The following MAPKAPK2 variants were observed in gnomAD, a reference collection of about 807,000 sequenced individuals.
The protein encoded by MAPKAPK2 is MAPK activated protein kinase 2, also known as MAP kinase-activated protein kinase 2.
MAPKAPK2 carries 9 observed loss-of-function variants against 48.8 expected under a neutral mutation model. The ratio of observed to expected loss-of-function variants is 0.18; its 90% CI spans 0.11 to 0.32. The LOEUF (loss-of-function observed/expected upper bound fraction) is 0.32, where lower values mean the gene tolerates loss of function less well. Among genes scored for constraint, MAPKAPK2 ranks in the 10% least tolerant of loss-of-function variants. The pLI is 1.00. For synonymous variants in MAPKAPK2, 202 were observed against 190.6 expected (o/e 1.06, Z -0.49); for missense variants, 331 against 498.3 (o/e 0.66, Z 3.20).
intron 1 of MAPKAPK2, among the ~76,000 whole-genome samples, chr1:206,693,856 C>T (rs150746326): frequency 1.3e-5 from 2 of 152,310 alleles, no homozygotes; most frequent in African/African-American, 4.8e-5. Context: ...AATAACTGGG[C>T]CCTGGCTCTC....
chr1:206,729,899 A>G (rs1673844817), intron 4 of MAPKAPK2, 73 bp from the exon 5 acceptor site: 3 of 1,587,462 alleles, frequency 1.9e-6, no homozygotes, highest in African/African-American at 1.3e-5. Context: ...GGGAGGAACC[A>G]GGATCCTTTT....
chr1:206,709,976 T>C (rs951534863), intron 1 of MAPKAPK2, among the ~76,000 whole-genome samples: 3 of 152,118 alleles, frequency 2.0e-5, no homozygotes, highest in African/African-American at 7.2e-5. Flanking sequence ...TCCCAAGGTG[T>C]AGAGCTTAGT....
intron 1 of MAPKAPK2, among the ~76,000 whole-genome samples, chr1:206,711,314 A>G (rs1264399627): frequency 6.6e-6 from 1 of 152,190 alleles, no homozygotes; most frequent in Non-Finnish European, 1.5e-5. Context: ...CAGTGGCGCT[A>G]TCTCAGCCCA....
chr1:206,687,309 T>G (rs1218573224), intron 1 of MAPKAPK2, among the ~76,000 whole-genome samples: 1 of 152,240 alleles, frequency 6.6e-6, no homozygotes, highest in Non-Finnish European at 1.5e-5. Context: ...AGATTTCTCT[T>G]GTAACTAACG....
At chr1:206,718,677 C>T (rs1171797629) in intron 1 of MAPKAPK2, among the ~76,000 whole-genome samples, 3 of 152,104 alleles carry the variant, frequency 2.0e-5, no homozygotes, top group South Asian at 2.1e-4. Context: ...TCTACGACAC[C>T]GCACGTTTTC....
chr1:206,728,975 G>A (rs574108313), intron 2 of MAPKAPK2, 60 bp from the exon 3 acceptor site: 21 of 1,609,874 alleles, frequency 1.3e-5, no homozygotes, highest in Non-Finnish European at 1.6e-5. Context: ...TTTTTGGGGG[G>A]CAGTGGAGAG....
chr1:206,729,187 A>T, intron 3 of MAPKAPK2, 88 bp downstream of exon 3: 1 of 1,395,342 alleles, frequency 7.2e-7, no homozygotes, highest in Non-Finnish European at 1.0e-6. Context: ...CTCTTGGGGA[A>T]GGGTGCTGAG....
rs1280178558 is a variant in MAPKAPK2, at chr1:206,734,059, C to T, written c.*1341C>T. Reference sequence around the variant, plus strand: ...GTAGGCTGTCTGTGCCATGGCCCCCCACTCCCCCTTCCCTTGGAGGGAGAG... The same window carrying T: ...GTAGGCTGTCTGTGCCATGGCCCCCTACTCCCCCTTCCCTTGGAGGGAGAG... On this transcript the variant is annotated 3_prime_UTR_variant, in exon 10 of 10. Transcript: ENST00000367103. 1 of 152,710 alleles carries T rather than the reference C, an allele frequency of 6.5e-6. No individual in the cohort carries two copies. Among genetic ancestry groups the T allele is most frequent in the African/African-American group, 2.4e-5 (1 of 41,448 alleles). 9.5% of individuals were successfully genotyped at this position (152,710 alleles called of 1,614,324 possible).
intron 1 of MAPKAPK2, among the ~76,000 whole-genome samples, chr1:206,706,977 C>T (rs560198444): frequency 6.6e-6 from 1 of 152,254 alleles, no homozygotes; most frequent in South Asian, 2.1e-4. Flanking sequence ...CCGTCAGCCC[C>T]GAACAGCTTG....
chr1:206,712,658 A>G (rs1374073004), intron 1 of MAPKAPK2, among the ~76,000 whole-genome samples: 1 of 152,054 alleles, frequency 6.6e-6, no homozygotes, highest in Non-Finnish European at 1.5e-5. Flanking sequence ...CTTGTTGGTA[A>G]AATATTAATA....
chr1:206,722,452 C>G (rs1180198718), intron 1 of MAPKAPK2, among the ~76,000 whole-genome samples: 1 of 152,066 alleles, frequency 6.6e-6, no homozygotes, highest in Non-Finnish European at 1.5e-5. Flanking sequence ...TACTGTTGAC[C>G]CGAAGCCTTA....
chr1:206,713,024 AGTT>A (rs1673209507), intron 1 of MAPKAPK2, among the ~76,000 whole-genome samples: 1 of 146,306 alleles, frequency 6.8e-6, no homozygotes, highest in Non-Finnish European at 1.5e-5. Context: ...TTGCCACTGA[AGTT>A]GTTCTTTGGG....
In MAPKAPK2 at chr1:206,704,025, G is replaced by A. The variant is rs1478441258; in HGVS notation, c.279+18517G>A. On this transcript the variant is annotated intron_variant, in intron 1 of 9. Transcript: ENST00000367103. This position sits in a 1 kb window ranked among gnomAD's most constrained non-coding sequence, Gnocchi z 4.3. ...AGTGGGAGACACCCTTTCAGGGTCT[G>A]CTTCATTATGAATGAAGCAAAAAGC... Among the ~76,000 whole-genome samples, 1 of 152,224 alleles carries A rather than the reference G, an allele frequency of 6.6e-6. No individual in the cohort carries two copies. Among genetic ancestry groups the A allele is most frequent in the Non-Finnish European group, 1.5e-5 (1 of 68,034 alleles).
In MAPKAPK2 at chr1:206,685,527, G is replaced by A; in HGVS notation, c.279+19G>A. On this transcript the variant is annotated intron_variant, in intron 1 of 9. Coordinates refer to ENST00000367103, the MANE Select transcript of MAPKAPK2 (RefSeq NM_032960.4). Reference sequence around the variant, plus strand: ...CCTCAAAGTAGGTCTGGGGCCCGGGGAGGGGAGGCGGGGCCGGTCCCGGGC... The same window carrying A: ...CCTCAAAGTAGGTCTGGGGCCCGGGAAGGGGAGGCGGGGCCGGTCCCGGGC... The A allele has an allele frequency of 6.7e-7, 1 of 1,493,340 alleles. No homozygotes were observed. The highest frequency in any genetic ancestry group is 9.0e-7 in the Non-Finnish European group (1 of 1,114,692). The allele number at this position is 1,493,340 out of a possible 1,614,324, so 92.5% of individuals were successfully genotyped here. A position where few individuals can be genotyped will look rare whatever the true frequency, so the allele number is the denominator to read the frequency against.
rs529422833 is a variant in MAPKAPK2 at position 206,687,044 on chromosome 1, A to C, written c.279+1536A>C. Among the ~76,000 whole-genome samples, 3 of 152,314 alleles carry C rather than the reference A, an allele frequency of 2.0e-5. No homozygotes were observed. The South Asian group carries it at 6.2e-4, about 32-fold the overall frequency. ...TGACCTTGGGGACTGGAGTTGGGTG[A>C]ATACAGTTTGACCACAGTTAACCTG... On this transcript the variant is annotated intron_variant, in intron 1 of 9. Transcript: ENST00000367103.
At chr1:206,730,907 T>A in intron 6 of MAPKAPK2, 144 bp downstream of exon 6, 1 of 1,002,740 alleles carries the variant, frequency 1.0e-6, no homozygotes, top group Non-Finnish European at 1.5e-6. Context: ...TTCCGATAGC[T>A]AAGTGGCGGG....
At chr1:206,707,581 T>C (rs775971549) in intron 1 of MAPKAPK2, among the ~76,000 whole-genome samples, 1 of 152,100 alleles carries the variant, frequency 6.6e-6, no homozygotes, top group African/African-American at 2.4e-5. Flanking sequence ...CTCACTGTGT[T>C]AATGGACTGT....
chr1:206,690,884 C>T (rs1672435809), intron 1 of MAPKAPK2, among the ~76,000 whole-genome samples: 1 of 152,222 alleles, frequency 6.6e-6, no homozygotes, highest in Non-Finnish European at 1.5e-5. Context: ...ATTCTCCTAC[C>T]TTTCCTCTAC....
At chr1:206,695,873 G>C (rs1396070965) in intron 1 of MAPKAPK2, 2 of 558,946 alleles carry the variant, frequency 3.6e-6, no homozygotes, top group Non-Finnish European at 6.4e-6. Context: ...TGCTGTCAGA[G>C]GGGTTGGGAG....
Sources: allele counts gnomAD v4.1 joint callset (sites outside exome capture counted in the v4.1 genomes callset), GRCh38; gene constraint gnomAD v4.1.1; non-coding constraint Gnocchi (gnomAD v3.1); transcripts MANE v1.5; gene names NCBI Gene and HGNC (gene_info 2026-07-23, HGNC 2026-07-21).